The following PRKAR2B variants were observed in gnomAD, a reference collection of about 807,000 sequenced individuals.
PRKAR2B encodes protein kinase cAMP-dependent type II regulatory subunit beta, also known as cAMP-dependent protein kinase type II-beta regulatory subunit.
Under a neutral mutation model 49.9 loss-of-function variants are expected in PRKAR2B, and 14 were observed. That is an observed-to-expected ratio of 0.28 (90% CI 0.19 to 0.44). The LOEUF (loss-of-function observed/expected upper bound fraction) is 0.44, where lower values mean the gene tolerates loss of function less well. Among genes scored for constraint, PRKAR2B ranks in the 20% least tolerant of loss-of-function variants. The probability of loss-of-function intolerance (pLI) is 1.00; values close to 1 mark genes in which losing one functional copy is unlikely to be tolerated. For synonymous variants in PRKAR2B, 196 were observed against 197.7 expected (o/e 0.99, Z 0.07); for missense variants, 393 against 537.9 (o/e 0.73, Z 2.67).
chr7:107,075,124 G>C (rs1177347531), intron 2 of PRKAR2B, among the ~76,000 whole-genome samples: 1 of 148,436 alleles, frequency 6.7e-6, no homozygotes, highest in African/African-American at 2.5e-5. Context: ...TTTTTTTTGA[G>C]ATGGAGTCTC....
intron 1 of PRKAR2B, among the ~76,000 whole-genome samples, chr7:107,058,223 T>C (rs1476878): frequency 0.64 from 97,295 of 152,018 alleles, 32,488 homozygotes; most frequent in African/African-American, 0.84. Context: ...TTTTGAACAA[T>C]TTAGGAACCT....
intron 1 of PRKAR2B, 74 bp downstream of exon 1, chr7:107,045,288 G>T (rs1047860055): frequency 7.7e-7 from 1 of 1,301,496 alleles, no homozygotes; most frequent in Non-Finnish European, 1.0e-6. Context: ...TGTGCTCTCG[G>T]ATCTTGCCGC....
intron 1 of PRKAR2B, among the ~76,000 whole-genome samples, chr7:107,048,551 A>G (rs1260339879): frequency 2.0e-5 from 3 of 152,200 alleles, no homozygotes; most frequent in African/African-American, 7.2e-5. Context: ...CAAACGTAGG[A>G]CAAACGTAGG....
At chr7:107,082,208 A>G (rs1157593465) in intron 2 of PRKAR2B, 1 of 152,136 alleles carries the variant, frequency 6.6e-6, no homozygotes, top group Non-Finnish European at 1.5e-5. Flanking sequence ...GTGGATCTCA[A>G]AATTTTCTTT....
At position 107,059,237 on chromosome 7, in the gene PRKAR2B, C is replaced by T. The variant is rs1793978716; in HGVS notation, c.308-11044C>T. ...CAGGAGGCCAAGGTTGCAGTGAACT[C>T]CAGCGTGGGTGACAGAGTAAGACTC... On this transcript the variant is annotated intron_variant, in intron 1 of 10. Transcript: ENST00000265717. Among the ~76,000 whole-genome samples, 2 of 151,962 alleles carry T rather than the reference C, an allele frequency of 1.3e-5. 1 individual carries two copies. The highest frequency in any genetic ancestry group is 4.2e-4 in the South Asian group (2 of 4,808).
chr7:107,160,008 C>CT lies in PRKAR2B; in HGVS notation c.*434dup, dbSNP rs149262174. ...AAACATGCTACACAGCATGGCATCA[C>CT]TTTTTTTTATAACTCATTAAACACA... On this transcript the variant is annotated 3_prime_UTR_variant, in exon 11 of 11. Transcript: ENST00000265717. 14 of 154,100 alleles carry CT rather than the reference C, an allele frequency of 9.1e-5. No homozygotes were observed. The highest frequency in any genetic ancestry group is 2.1e-4 in the South Asian group (1 of 4,860). 9.5% of individuals were successfully genotyped at this position (154,100 alleles called of 1,614,324 possible). A position where few individuals can be genotyped will look rare whatever the true frequency, so the allele number is the denominator to read the frequency against.
intron 5 of PRKAR2B, among the ~76,000 whole-genome samples, chr7:107,141,260 T>G (rs1348249952): frequency 6.6e-6 from 1 of 152,240 alleles, no homozygotes; most frequent in Non-Finnish European, 1.5e-5. Flanking sequence ...GTAGTATTAG[T>G]ATGTACTAGA....
chr7:107,047,455 C>A (rs1486924863), intron 1 of PRKAR2B, among the ~76,000 whole-genome samples: 1 of 149,340 alleles, frequency 6.7e-6, no homozygotes, highest in African/African-American at 2.5e-5. Context: ...TTTTTTTAAA[C>A]ACATACACCT....
At chr7:107,060,677 A>G (rs1443329083) in intron 1 of PRKAR2B, among the ~76,000 whole-genome samples, 1 of 126,534 alleles carries the variant, frequency 7.9e-6, no homozygotes, top group Non-Finnish European at 1.6e-5. Flanking sequence ...TACCAACCCT[A>G]TGTTGGCAAT....
intron 1 of PRKAR2B, among the ~76,000 whole-genome samples, chr7:107,054,817 T>A (rs1374574273): frequency 2.0e-5 from 3 of 151,592 alleles, no homozygotes; most frequent in Non-Finnish European, 4.4e-5. Flanking sequence ...TTAAATAGAC[T>A]TTTTTTTATT....
At chr7:107,078,195 C>T (rs1255191036) in intron 2 of PRKAR2B, 2 of 105,770 alleles carry the variant, frequency 1.9e-5, no homozygotes, top group African/African-American at 4.8e-5. Context: ...CAGAGTGATA[C>T]TCCATCAAAA....
At chr7:107,104,513 TC>T (rs1795037812) in intron 2 of PRKAR2B, among the ~76,000 whole-genome samples, 1 of 152,168 alleles carries the variant, frequency 6.6e-6, no homozygotes, top group African/African-American at 2.4e-5. Flanking sequence ...TACCCTCATT[TC>T]CCCACAAAAT....
chr7:107,057,793 GAAAC>G (rs768102428), intron 1 of PRKAR2B, among the ~76,000 whole-genome samples: 1 of 151,684 alleles, frequency 6.6e-6, no homozygotes, highest in South Asian at 2.1e-4. Context: ...AAACCAAAAG[GAAAC>G]AAACAAATAC....
chr7:107,053,920 G>A (rs1398293655), intron 1 of PRKAR2B, among the ~76,000 whole-genome samples: 1 of 152,170 alleles, frequency 6.6e-6, no homozygotes, highest in African/African-American at 2.4e-5. Flanking sequence ...ATTTTGTTAG[G>A]AGAGAGATCG....
chr7:107,097,936 C>CTT (rs1794878509), intron 2 of PRKAR2B, among the ~76,000 whole-genome samples: 1 of 152,174 alleles, frequency 6.6e-6, no homozygotes, highest in Non-Finnish European at 1.5e-5. Context: ...TCTGGCTGCC[C>CTT]TTAACATTTT....
chr7:107,072,563 C>T (rs1188015075), intron 2 of PRKAR2B, among the ~76,000 whole-genome samples: 2 of 152,054 alleles, frequency 1.3e-5, no homozygotes, highest in Non-Finnish European at 2.9e-5. Context: ...TTGAGACTTT[C>T]TTAATTCTTA....
chr7:107,136,431 G>T (rs1795703024), intron 4 of PRKAR2B, among the ~76,000 whole-genome samples: 1 of 152,102 alleles, frequency 6.6e-6, no homozygotes, highest in East Asian at 1.9e-4. Context: ...GCTGATAAAG[G>T]ACTGTTATCC....
At chr7:107,075,417 T>A (rs935556521) in intron 2 of PRKAR2B, among the ~76,000 whole-genome samples, 2 of 151,332 alleles carry the variant, frequency 1.3e-5, no homozygotes, top group Non-Finnish European at 3.0e-5. Flanking sequence ...TTTTTTTTTT[T>A]AAGACAGGAT....
chr7:107,094,560 T>A (rs905255916), intron 2 of PRKAR2B, among the ~76,000 whole-genome samples: 2 of 152,210 alleles, frequency 1.3e-5, no homozygotes, highest in African/African-American at 2.4e-5. Context: ...GCTTTTGGTG[T>A]TTTAGTCATG....
Sources: gnomAD v4.1 joint callset for allele counts (sites outside exome capture counted in the v4.1 genomes callset) on GRCh38, gnomAD v4.1.1 for gene constraint, MANE v1.5 for transcripts, NCBI Gene and HGNC (gene_info 2026-07-23, HGNC 2026-07-21) for gene names.